The following ZNF716 variants were observed in gnomAD, a reference collection of about 807,000 sequenced individuals.
ZNF716 encodes the protein zinc finger protein 716.
ZNF716 carries 9 observed loss-of-function variants against 13.4 expected under a neutral mutation model. The observed-to-expected ratio is 0.67, with a 90% CI of 0.41 to 1.18. ZNF716 has a LOEUF of 1.18. Among genes scored for constraint, ZNF716 ranks in the 50% most tolerant of loss-of-function variants. ZNF716 has a pLI of 0.01. For missense variants in ZNF716, 581 were observed against 576.6 expected (o/e 1.01, Z -0.08); for synonymous variants, 186 against 195.2 (o/e 0.95, Z 0.39).
chr7:57,463,698 G>A (rs1228848338), intron 3 of ZNF716, among the ~76,000 whole-genome samples: 3 of 151,646 alleles, frequency 2.0e-5, no homozygotes, highest in African/African-American at 7.3e-5. Flanking sequence ...TTATTTAGAG[G>A]CTGGGTTATG....
At chr7:57,468,471 C>T (rs1562679175) in intron 3 of ZNF716, among the ~76,000 whole-genome samples, 1 of 152,120 alleles carries the variant, frequency 6.6e-6, no homozygotes, top group African/African-American at 2.4e-5. Context: ...GCAGACTTTT[C>T]TTTTGTCTCT....
Position 57,469,219 on chromosome 7 carries a change from C to A in ZNF716, c.758C>A (p.Ser253Tyr), listed in dbSNP as rs781874293. The A allele has an allele frequency of 6.2e-7, 1 of 1,612,536 alleles. No individual in the cohort carries two copies. Residue 253 changes from serine (S) to tyrosine (Y), a missense_variant, in exon 4 of 4, where the codon TCT becomes TAT. Ser to Tyr is a moderately radical substitution (Grantham distance 144, BLOSUM62 -2). Transcript: ENST00000420713. ...CEECGKAFSW[S>Y]ASLTKHKRIH... Reference sequence around the variant, plus strand: ...GAATGTGGCAAAGCTTTTAGCTGGTCTGCATCCCTTACTAAACATAAGAGA... The same window carrying A: ...GAATGTGGCAAAGCTTTTAGCTGGTATGCATCCCTTACTAAACATAAGAGA...
At chr7:57,454,182 G>A (rs372875694) in intron 1 of ZNF716, among the ~76,000 whole-genome samples, 7 of 152,194 alleles carry the variant, frequency 4.6e-5, no homozygotes, top group South Asian at 4.1e-4. Flanking sequence ...AGATGGGACT[G>A]GGCACCTTCT....
At chr7:57,451,321 A>G (rs1184967109) in intron 1 of ZNF716, among the ~76,000 whole-genome samples, 2 of 151,112 alleles carry the variant, frequency 1.3e-5, no homozygotes, top group South Asian at 2.1e-4. Flanking sequence ...CAGCTGTAAG[A>G]GATACATTTG....
rs1353101621 is a variant in ZNF716, at chr7:57,472,324, A to G, written c.*2375A>G. On this transcript the variant is annotated 3_prime_UTR_variant, in exon 4 of 4. Transcript: ENST00000420713. ...AAACAAAGTTGTTTTTAATGAGCTA[A>G]AACTATTGTGCTTTGAAAGAAGTAT... 2 of 152,226 alleles carry G rather than the reference A, an allele frequency of 1.3e-5. No homozygotes were observed. The highest frequency in any genetic ancestry group is 3.8e-4 in the East Asian group (2 of 5,200). The allele number at this position is 152,226 out of a possible 1,614,324, so 9.4% of individuals were successfully genotyped here.
At chr7:57,464,122 C>CTTTTTTT (rs71065117) in intron 3 of ZNF716, among the ~76,000 whole-genome samples, 1 of 125,842 alleles carries the variant, frequency 7.9e-6, no homozygotes, top group Non-Finnish European at 1.6e-5. Context: ...TTTCTTTTTT[C>CTTTTTTT]TTTTTTTTTT....
rs1789832919 is a variant in ZNF716 at position 57,467,245 on chromosome 7, T to A, written c.263-1479T>A. ...TATTTTTATGCTTATATCTTTCAAATTTTAAAGAACAACTAAAAATGTTTT... is the reference window on the plus strand; with the variant it reads ...TATTTTTATGCTTATATCTTTCAAAATTTAAAGAACAACTAAAAATGTTTT... On this transcript the variant is annotated intron_variant, in intron 3 of 3. Transcript: ENST00000420713. 2.6e-5 allele frequency among the ~76,000 whole-genome samples: 4 copies of A among 152,148 alleles called. No individual in the cohort carries two copies. The South Asian group carries it at 8.3e-4, about 31-fold the overall frequency.
chr7:57,464,297 T>C lies in ZNF716; in HGVS notation c.262+1129T>C, dbSNP rs1789766073. On this transcript the variant is annotated intron_variant, in intron 3 of 3. Coordinates refer to ENST00000420713, the MANE Select transcript of ZNF716 (RefSeq NM_001159279.1). Reference sequence around the variant, plus strand: ...CCACCATGTGCAGCTAATTTTGTATTTTTTGTAGAGATGGAGTTTCGCCAT... The same window carrying C: ...CCACCATGTGCAGCTAATTTTGTATCTTTTGTAGAGATGGAGTTTCGCCAT... 2.0e-5 allele frequency among the ~76,000 whole-genome samples: 3 copies of C among 151,908 alleles called. No individual in the cohort carries two copies. In the South Asian group the frequency reaches 6.2e-4, roughly 32 times the overall value.
chr7:57,468,951 A>C lies in ZNF716; in HGVS notation c.490A>C (p.Lys164Gln), dbSNP rs782216180. The C allele has an allele frequency of 8.1e-6, 13 of 1,610,126 alleles. No individual in the cohort carries two copies. The highest frequency in any genetic ancestry group is 1.1e-5 in the Non-Finnish European group (13 of 1,177,786). ...NKTFQTHKCVKVFGKFSNSNR... is the reference protein window; with the variant it reads ...NKTFQTHKCVQVFGKFSNSNR... ...AACATTTCAGACTCATAAATGCGTC[A>C]AAGTCTTTGGTAAATTTTCAAATTC... is the stretch of plus-strand genomic sequence containing the variant. The change falls in exon 4 of 4, where the codon AAA becomes CAA. Residue 164 changes from lysine to glutamine, a missense_variant. Transcript: ENST00000420713.
chr7:57,461,335 A>T (rs1554323053), intron 1 of ZNF716, among the ~76,000 whole-genome samples: 1 of 152,192 alleles, frequency 6.6e-6, no homozygotes, highest in African/African-American at 2.4e-5. Context: ...CACAGCAGTG[A>T]TGTTGCGTCC....
chr7:57,458,299 C>T (rs1789640674), intron 1 of ZNF716, among the ~76,000 whole-genome samples: 1 of 152,214 alleles, frequency 6.6e-6, no homozygotes, highest in Non-Finnish European at 1.5e-5. Context: ...CCTTTCTTCA[C>T]AACCTCACAA....
rs1789987667 is a variant in ZNF716 at position 57,473,546 on chromosome 7, T to C, written c.*3597T>C. 1 of 151,854 alleles carries C rather than the reference T, an allele frequency of 6.6e-6. No individual in the cohort carries two copies. The highest frequency in any genetic ancestry group is 2.4e-5 in the African/African-American group (1 of 41,348). 9.4% of individuals were successfully genotyped at this position (151,854 alleles called of 1,614,324 possible). A position where few individuals can be genotyped will look rare whatever the true frequency, so the allele number is the denominator to read the frequency against. On this transcript the variant is annotated 3_prime_UTR_variant, in exon 4 of 4. Transcript: ENST00000420713. ...AAAAAAAAAATAAATAAATAAAAGA[T>C]ATACCTTAAGCATAAGAAAGTTATG...
intron 3 of ZNF716, among the ~76,000 whole-genome samples, chr7:57,464,115 C>CTTTCT (rs1789760074): frequency 1.8e-5 from 2 of 110,258 alleles, no homozygotes; most frequent in African/African-American, 3.6e-5. Context: ...TTGTCCATTT[C>CTTTCT]TTTTTTCTTT....
At position 57,472,185 on chromosome 7, in the gene ZNF716, A is replaced by G. The variant is rs1789954755; in HGVS notation, c.*2236A>G. 1 of 152,220 alleles carries G rather than the reference A, an allele frequency of 6.6e-6. No homozygotes were observed. The highest frequency in any genetic ancestry group is 2.1e-4 in the South Asian group (1 of 4,836). 9.4% of individuals were successfully genotyped at this position (152,220 alleles called of 1,614,324 possible). A position where few individuals can be genotyped will look rare whatever the true frequency, so the allele number is the denominator to read the frequency against. On this transcript the variant is annotated 3_prime_UTR_variant, in exon 4 of 4. Coordinates refer to ENST00000420713, the MANE Select transcript of ZNF716 (RefSeq NM_001159279.1). ...TGGAGAGGTTCTTTGTGGTTGACTT[A>G]TAACATTGTTTTAGTGATGTATAAG...
intron 3 of ZNF716, among the ~76,000 whole-genome samples, chr7:57,463,648 AT>A (rs1421315466): frequency 6.6e-6 from 1 of 151,602 alleles, no homozygotes; most frequent in Non-Finnish European, 1.5e-5. Flanking sequence ...TTTTTTTACA[AT>A]TTTTTTATTT....
At chr7:57,457,471 A>T (rs542256384) in intron 1 of ZNF716, among the ~76,000 whole-genome samples, 1 of 152,104 alleles carries the variant, frequency 6.6e-6, no homozygotes, top group Non-Finnish European at 1.5e-5. Flanking sequence ...CAGCCTCTTG[A>T]GTAGCTGGGA....
At position 57,469,184 on chromosome 7, in the gene ZNF716, C is replaced by A; in HGVS notation, c.723C>A (p.Tyr241Ter). Residue 241 changes from tyrosine (Y) to a stop codon, truncating the protein, a stop_gained, in exon 4 of 4, where the codon TAC becomes TAA. Transcript: ENST00000420713. LOFTEE classifies it low-confidence loss of function (END_TRUNC). Reference sequence around the variant, plus strand: ...GAATTCATACTGGAGAGAAACCCTACAGATGTGAGGAATGTGGCAAAGCTT... The same window carrying A: ...GAATTCATACTGGAGAGAAACCCTAAAGATGTGAGGAATGTGGCAAAGCTT... ...HKRIHTGEKP[Y>*]RCEECGKAFS... The A allele has an allele frequency of 6.2e-7, 1 of 1,612,624 alleles. No homozygotes were observed. The highest frequency in any genetic ancestry group is 1.1e-5 in the South Asian group (1 of 90,968).
At chr7:57,451,358 G>A (rs545682774) in intron 1 of ZNF716, among the ~76,000 whole-genome samples, 1 of 151,262 alleles carries the variant, frequency 6.6e-6, no homozygotes, top group South Asian at 2.1e-4. Flanking sequence ...TTAAGTGAGA[G>A]CCGAGAAGAA....
intron 1 of ZNF716, among the ~76,000 whole-genome samples, chr7:57,456,182 C>G (rs370814348): frequency 6.6e-6 from 1 of 152,042 alleles, no homozygotes. Flanking sequence ...TCTTGAACTC[C>G]TGACCTCATG....
Sources: gnomAD v4.1 joint callset for allele counts (sites outside exome capture counted in the v4.1 genomes callset) on GRCh38, gnomAD v4.1.1 for gene constraint, MANE v1.5 for transcripts, NCBI Gene and HGNC (gene_info 2026-07-23, HGNC 2026-07-21) for gene names.